The following RAPGEF4 variants were observed in gnomAD, a reference collection of about 807,000 sequenced individuals.
RAPGEF4 encodes the protein Rap guanine nucleotide exchange factor 4.
RAPGEF4 carries 66 observed loss-of-function variants against 147.9 expected under a neutral mutation model. That is an observed-to-expected ratio of 0.45 (90% CI 0.37 to 0.55). The LOEUF (loss-of-function observed/expected upper bound fraction) is 0.55. Ranked by LOEUF, RAPGEF4 falls within the 20% of genes least tolerant of loss-of-function variation. RAPGEF4 has a pLI of 0.00. For synonymous variants in RAPGEF4, 419 were observed against 442.7 expected (o/e 0.95, Z 0.67); for missense variants, 1,071 against 1,257.3 (o/e 0.85, Z 2.24).
At chr2:172,929,442 C>T (rs1343752280) in intron 6 of RAPGEF4, among the ~76,000 whole-genome samples, 3 of 151,998 alleles carry the variant, frequency 2.0e-5, no homozygotes, top group African/African-American at 7.3e-5. Context: ...TGTATTTGTA[C>T]ATGTATAAAT....
chr2:172,755,090 A>G (rs1695644196), intron 1 of RAPGEF4, among the ~76,000 whole-genome samples: 1 of 152,048 alleles, frequency 6.6e-6, no homozygotes, highest in Non-Finnish European at 1.5e-5. Context: ...AGACAAAATG[A>G]TATGTGGCCG....
intron 4 of RAPGEF4, among the ~76,000 whole-genome samples, chr2:172,914,167 T>A (rs1683768594): frequency 6.6e-6 from 1 of 152,166 alleles, no homozygotes; most frequent in South Asian, 2.1e-4. Context: ...CAGTGTCCTC[T>A]ACTAATGGAC....
chr2:172,773,336 T>C lies in RAPGEF4; in HGVS notation c.66-21689T>C, dbSNP rs115671625. On this transcript the variant is annotated intron_variant, in intron 1 of 30. Coordinates refer to ENST00000397081, the MANE Select transcript of RAPGEF4 (RefSeq NM_007023.4). ...TCTGGCATCTTTTATGATTTACATATTCGTTCTTGGACAGCACTGTAATTA... is the reference window on the plus strand; with the variant it reads ...TCTGGCATCTTTTATGATTTACATACTCGTTCTTGGACAGCACTGTAATTA... Among the ~76,000 whole-genome samples the C allele has an allele frequency of 8.5e-3, 1,296 of 152,304 alleles. 22 individuals carry two copies. The highest frequency in any genetic ancestry group is 0.03 in the African/African-American group (1,240 of 41,556).
rs532124225 is a variant in RAPGEF4, at chr2:172,906,969, G to A, written c.445-10833G>A. On this transcript the variant is annotated intron_variant, in intron 4 of 30. Transcript: ENST00000397081. ...TACCTCTAGGCCATATGGAGACTTCGTGCACATTATAAAAAGGGGCTCCCT... is the reference window on the plus strand; with the variant it reads ...TACCTCTAGGCCATATGGAGACTTCATGCACATTATAAAAAGGGGCTCCCT... 3.9e-4 allele frequency among the ~76,000 whole-genome samples: 59 copies of A among 152,302 alleles called. 1 individual carries two copies. The South Asian group carries it at 0.012, about 31-fold the overall frequency.
chr2:172,981,854 A>G (rs1349522159), intron 10 of RAPGEF4, among the ~76,000 whole-genome samples: 3 of 152,256 alleles, frequency 2.0e-5, no homozygotes, highest in Non-Finnish European at 4.4e-5. Context: ...AAGAGTACTT[A>G]TCTAATAATC....
chr2:172,821,737 TAAAAAAAAAAAAA>T lies in RAPGEF4; in HGVS notation c.444+7324_444+7336del, dbSNP rs35414922. 11 of 820,064 alleles carry T rather than the reference TAAAAAAAAAAAAA, an allele frequency of 1.3e-5. No homozygotes were observed. The East Asian group carries it at 8.6e-4, about 64-fold the overall frequency. 50.8% of individuals were successfully genotyped at this position (820,064 alleles called of 1,614,324 possible). On this transcript the variant is annotated intron_variant, in intron 4 of 30. Coordinates refer to ENST00000397081, the MANE Select transcript of RAPGEF4 (RefSeq NM_007023.4). ...GAAGTTATTAGGAGCTAACTAAAGT[TAAAAAAAAAAAAA>T]AAAAAAAAAAAGGAAGTGTTTTCTT...
intron 1 of RAPGEF4, among the ~76,000 whole-genome samples, chr2:172,760,486 A>G (rs575103734): frequency 6.6e-6 from 1 of 152,344 alleles, no homozygotes; most frequent in Admixed American, 6.5e-5. Flanking sequence ...TGGGAGGCCG[A>G]GGTGGGTGGA....
intron 1 of RAPGEF4, among the ~76,000 whole-genome samples, chr2:172,749,912 G>A (rs775296791): frequency 6.6e-6 from 1 of 152,114 alleles, no homozygotes; most frequent in Non-Finnish European, 1.5e-5. Flanking sequence ...CAAATCTCTA[G>A]GGCATGGGCA....
At chr2:172,822,084 T>C (rs1689130655) in intron 4 of RAPGEF4, 15 of 1,376,814 alleles carry the variant, frequency 1.1e-5, no homozygotes, top group Non-Finnish European at 1.5e-5. Flanking sequence ...CTGGCTTTTC[T>C]AATTATGTTC....
chr2:172,931,177 G>GGGT (rs1553533434), intron 6 of RAPGEF4, among the ~76,000 whole-genome samples: 2 of 107,964 alleles, frequency 1.9e-5, no homozygotes, highest in Non-Finnish European at 4.0e-5. Flanking sequence ...CGGGGTGGGG[G>GGGT]GGGGGGGCGC....
Position 173,018,705 on chromosome 2 carries a change from G to A in RAPGEF4, c.2058G>A (p.Val686=). The change falls in exon 22 of 31, where the codon GTG becomes GTA. Residue 686 remains valine, a synonymous_variant. Transcript: ENST00000397081. ...CMDHTYTTIR[V]PVATSVKEVI... The stretch of plus-strand genomic sequence containing the variant: ...ACCACACCTACACAACCATTCGGGT[G>A]CCAGTGGCCACTTCGGTGAAGGAAG... 1 of 1,614,122 alleles carries A rather than the reference G, an allele frequency of 6.2e-7. No homozygotes were observed. Among genetic ancestry groups the A allele is most frequent in the East Asian group, 2.2e-5 (1 of 44,872 alleles).
chr2:172,994,601 C>G (rs1693140151), intron 15 of RAPGEF4, among the ~76,000 whole-genome samples: 1 of 152,262 alleles, frequency 6.6e-6, no homozygotes, highest in Admixed American at 6.5e-5. Flanking sequence ...AGATGTTGCT[C>G]TCTCTAACCC....
At position 172,907,023 on chromosome 2, in the gene RAPGEF4, G is replaced by A. The variant is rs558450376; in HGVS notation, c.445-10779G>A. 2.6e-5 allele frequency among the ~76,000 whole-genome samples: 4 copies of A among 152,104 alleles called. No homozygotes were observed. The South Asian group carries it at 6.2e-4, about 24-fold the overall frequency. On this transcript the variant is annotated intron_variant, in intron 4 of 30. Coordinates refer to ENST00000397081, the MANE Select transcript of RAPGEF4 (RefSeq NM_007023.4). ...CCAGGCAGGAGCAGCCCCAGGCCAG[G>A]GCTCAAGGCTTGTTCAGCAGAGCTG...
At chr2:172,791,812 C>T (rs1368745443) in intron 1 of RAPGEF4, among the ~76,000 whole-genome samples, 1 of 152,126 alleles carries the variant, frequency 6.6e-6, no homozygotes, top group African/African-American at 2.4e-5. Flanking sequence ...ATAGAAGTAC[C>T]TACATTTTTC....
intron 6 of RAPGEF4, among the ~76,000 whole-genome samples, chr2:172,931,299 A>G (rs1050704370): frequency 3.3e-5 from 5 of 151,938 alleles, no homozygotes; most frequent in Non-Finnish European, 7.4e-5. Context: ...ATAAGATCAC[A>G]TCCTGTTTCT....
chr2:172,777,297 A>G (rs185133029), intron 1 of RAPGEF4, among the ~76,000 whole-genome samples: 47 of 152,062 alleles, frequency 3.1e-4, no homozygotes, highest in Non-Finnish European at 6.0e-4. Flanking sequence ...TATTCTTTCA[A>G]CAATGTTTAT....
At chr2:172,906,370 C>T (rs1320550551) in intron 4 of RAPGEF4, among the ~76,000 whole-genome samples, 1 of 152,210 alleles carries the variant, frequency 6.6e-6, no homozygotes, top group Non-Finnish European at 1.5e-5. Context: ...GCTGCCTCTC[C>T]TTATTCTGTC....
At chr2:172,978,708 T>A (rs955996861) in intron 10 of RAPGEF4, among the ~76,000 whole-genome samples, 5 of 152,202 alleles carry the variant, frequency 3.3e-5, no homozygotes, top group Non-Finnish European at 7.3e-5. Flanking sequence ...TTTTCTTCTG[T>A]GAGGGTTGAG....
In RAPGEF4 at chr2:172,843,101, C is replaced by T. The variant is rs111662756; in HGVS notation, c.444+28676C>T. ...ATGATCTGGTTGGAGTGTGCAGGAT[C>T]GTTGGAGGTGGTGTCATTAACTGGG... On this transcript the variant is annotated intron_variant, in intron 4 of 30. Coordinates refer to ENST00000397081, the MANE Select transcript of RAPGEF4 (RefSeq NM_007023.4). Among the ~76,000 whole-genome samples the T allele has an allele frequency of 5.9e-5, 9 of 152,106 alleles. 1 individual carries two copies. The highest frequency in any genetic ancestry group is 1.2e-4 in the African/African-American group (5 of 41,492).
Sources: allele counts gnomAD v4.1 joint callset (sites outside exome capture counted in the v4.1 genomes callset), GRCh38; gene constraint gnomAD v4.1.1; transcripts MANE v1.5; gene names NCBI Gene and HGNC (gene_info 2026-07-23, HGNC 2026-07-21).